Variants in NLGN1 observed in about 807,000 individuals in gnomAD.
NLGN1 encodes neuroligin 1, also known as neuroligin-1.
A neutral mutation model predicts 65.5 loss-of-function variants in NLGN1; 12 were observed. The ratio of observed to expected loss-of-function variants is 0.18; its 90% confidence interval spans 0.12 to 0.30. The LOEUF is 0.30. Among genes scored for constraint, NLGN1 ranks in the 10% least tolerant of loss-of-function variants. The probability of loss-of-function intolerance (pLI) is 1.00; values close to 1 mark genes in which losing one functional copy is unlikely to be tolerated. For synonymous variants in NLGN1, 350 were observed against 359.5 expected, an observed-to-expected ratio of 0.97 and a Z score of 0.30; for missense variants, 750 against 1,007.1, an observed-to-expected ratio of 0.74 and a Z score of 3.46.
chr3:174,006,415 C>T lies in NLGN1; in HGVS notation c.646+198583C>T, dbSNP rs557785402. Among the ~76,000 whole-genome samples the T allele has an allele frequency of 4.6e-5, 7 of 152,204 alleles. No individual in the cohort carries two copies. The South Asian group carries it at 8.3e-4, about 18-fold the overall frequency. ...CCACACGTATCCCTGTCTTTCTATC[C>T]GTACTGACATTCTTTTTAACCGGGT... is the stretch of plus-strand genomic sequence containing the variant. On this transcript the variant is annotated intron_variant, in intron 4 of 6. Coordinates refer to ENST00000457714, the Ensembl canonical transcript of NLGN1.
chr3:173,716,436 C>T (rs1578099107), intron 3 of NLGN1, among the ~76,000 whole-genome samples: 1 of 152,104 alleles, frequency 6.6e-6, no homozygotes, highest in South Asian at 2.1e-4. Context: ...CTCTCTTAAA[C>T]TTCAGTCCCT....
At position 174,248,447 on chromosome 3, in the gene NLGN1, A is replaced by G. The variant is rs149923324; in HGVS notation, c.647-26868A>G. On this transcript the variant is annotated intron_variant, in intron 4 of 6. Coordinates refer to ENST00000457714, the Ensembl canonical transcript of NLGN1. Reference sequence around the variant, plus strand: ...AGAAAGTGTGCTAGGGATGCATTGCATAATAAAGAGCACTAAATATGGACT... The same window carrying G: ...AGAAAGTGTGCTAGGGATGCATTGCGTAATAAAGAGCACTAAATATGGACT... 1.9e-3 allele frequency among the ~76,000 whole-genome samples: 296 copies of G among 152,352 alleles called. 1 individual carries two copies. Among genetic ancestry groups the G allele is most frequent in the South Asian group, 5.6e-3 (27 of 4,832 alleles).
At position 174,279,726 on chromosome 3, in the gene NLGN1, C is replaced by A; in HGVS notation, c.1649+76C>A. 1 of 847,910 alleles carries A rather than the reference C, an allele frequency of 1.2e-6. No homozygotes were observed. The highest frequency in any genetic ancestry group is 1.8e-6 in the Non-Finnish European group (1 of 545,660). 52.5% of individuals were successfully genotyped at this position (847,910 alleles called of 1,614,324 possible). ...CATTTTAAAATAATAGATATTTATGCCCAGATAATGTCATATTGGATTAAT... is the reference window on the plus strand; with the variant it reads ...CATTTTAAAATAATAGATATTTATGACCAGATAATGTCATATTGGATTAAT... On this transcript the variant is annotated intron_variant, in intron 6 of 6. Coordinates refer to ENST00000457714, the Ensembl canonical transcript of NLGN1. The surrounding 1 kb of genome is among the most constrained non-coding windows in gnomAD (Gnocchi z 4.7).
chr3:173,446,319 G>GT (rs1251960802), intron 2 of NLGN1, among the ~76,000 whole-genome samples: 1 of 151,558 alleles, frequency 6.6e-6, no homozygotes, highest in Non-Finnish European at 1.5e-5. Flanking sequence ...GCGGTGTTTG[G>GT]TTTTTTTGTC....
At chr3:174,086,821 C>A (rs1306691067) in intron 4 of NLGN1, among the ~76,000 whole-genome samples, 1 of 151,922 alleles carries the variant, frequency 6.6e-6, no homozygotes, top group East Asian at 1.9e-4. Flanking sequence ...ACAGTAGAAT[C>A]TCTACAAAAT....
chr3:173,996,209 T>C (rs1331665885), intron 4 of NLGN1, among the ~76,000 whole-genome samples: 2 of 152,170 alleles, frequency 1.3e-5, no homozygotes, highest in African/African-American at 2.4e-5. Flanking sequence ...GCATCTATAA[T>C]TTACATAATG....
At chr3:173,737,889 C>G (rs993883178) in intron 3 of NLGN1, among the ~76,000 whole-genome samples, 2 of 151,952 alleles carry the variant, frequency 1.3e-5, no homozygotes, top group African/African-American at 4.8e-5. Context: ...TATGAGGATT[C>G]CAACTTCTCT....
intron 4 of NLGN1, among the ~76,000 whole-genome samples, chr3:173,864,417 T>A (rs1729727680): frequency 6.6e-6 from 1 of 152,168 alleles, no homozygotes. Context: ...TAAAGCAAAG[T>A]CTTTATTTAT....
At chr3:173,747,540 T>C (rs2150137496) in intron 3 of NLGN1, among the ~76,000 whole-genome samples, 1 of 150,624 alleles carries the variant, frequency 6.6e-6, no homozygotes, top group East Asian at 1.9e-4. Context: ...CAAGCAAAAG[T>C]CCTGTTCGAA....
intron 3 of NLGN1, among the ~76,000 whole-genome samples, chr3:173,653,213 C>T (rs761305893): frequency 1.4e-4 from 22 of 152,142 alleles, no homozygotes; most frequent in African/African-American, 5.1e-4. Context: ...TCCTCTTTTC[C>T]GATTTGGATG....
chr3:173,676,825 C>T (rs1362319044), intron 3 of NLGN1, among the ~76,000 whole-genome samples: 1 of 152,088 alleles, frequency 6.6e-6, no homozygotes, highest in African/African-American at 2.4e-5. Flanking sequence ...TCTGATAAGA[C>T]ATTGAGTCCT....
intron 1 of NLGN1, among the ~76,000 whole-genome samples, chr3:173,414,370 G>T (rs1713241179): frequency 6.6e-6 from 1 of 152,112 alleles, no homozygotes; most frequent in Non-Finnish European, 1.5e-5. Flanking sequence ...TGATTAAATG[G>T]CTATCTTTGA....
chr3:173,608,713 C>G (rs1751790833), intron 3 of NLGN1, among the ~76,000 whole-genome samples: 1 of 151,716 alleles, frequency 6.6e-6, no homozygotes, highest in Non-Finnish European at 1.5e-5. Flanking sequence ...ATTTCCATAG[C>G]AGAGACTTAT....
chr3:173,397,767 A>AGGC (rs1186747952), upstream of NLGN1: 1 of 152,126 alleles, frequency 6.6e-6, no homozygotes, highest in East Asian at 1.9e-4. Context: ...GCCGAGGATC[A>AGGC]GGCGGCGGCG....
chr3:173,657,618 C>A (rs1221361026), intron 3 of NLGN1, among the ~76,000 whole-genome samples: 1 of 151,722 alleles, frequency 6.6e-6, no homozygotes, highest in Admixed American at 6.6e-5. Flanking sequence ...TCATTAGTTG[C>A]AAACTTGGTT....
chr3:173,802,492 GA>G (rs1273583047), intron 3 of NLGN1, among the ~76,000 whole-genome samples: 2 of 152,148 alleles, frequency 1.3e-5, no homozygotes, highest in African/African-American at 4.8e-5. Flanking sequence ...GATGAATTCA[GA>G]TATCCTACAG....
intron 2 of NLGN1, among the ~76,000 whole-genome samples, chr3:173,496,986 T>TGCAG (rs1730134850): frequency 6.6e-6 from 1 of 151,912 alleles, no homozygotes; most frequent in South Asian, 2.1e-4. Flanking sequence ...AAAGAAAGTT[T>TGCAG]TGCAGTGGTG....
chr3:174,024,772 C>A (rs1157216265), intron 4 of NLGN1, among the ~76,000 whole-genome samples: 1 of 152,180 alleles, frequency 6.6e-6, no homozygotes, highest in East Asian at 1.9e-4. Flanking sequence ...ATTCTTTTAT[C>A]TGCTCATTGA....
intron 3 of NLGN1, among the ~76,000 whole-genome samples, chr3:173,806,653 A>G (rs1415299719): frequency 6.6e-6 from 1 of 152,148 alleles, no homozygotes; most frequent in Non-Finnish European, 1.5e-5. Flanking sequence ...ACGTAGATAG[A>G]ACTATGTTTG....
Sources: gnomAD v4.1 joint callset for allele counts (sites outside exome capture counted in the v4.1 genomes callset) on GRCh38, gnomAD v4.1.1 for gene constraint, Gnocchi (gnomAD v3.1) non-coding constraint, MANE v1.5 for transcripts, NCBI Gene and HGNC (gene_info 2026-07-23, HGNC 2026-07-21) for gene names.